The following NSUN6 variants were observed in gnomAD, a reference collection of about 807,000 sequenced individuals.
The protein encoded by NSUN6 is tRNA (cytosine(72)-C(5))-methyltransferase NSUN6.
In NSUN6, 64 loss-of-function variants were observed where a neutral mutation model predicts 58.0. The ratio of observed to expected loss-of-function variants is 1.10; its 90% confidence interval spans 0.90 to 1.36. The LOEUF (loss-of-function observed/expected upper bound fraction) is 1.36, where lower values mean the gene tolerates loss of function less well. Among genes scored for constraint, NSUN6 ranks in the 40% most tolerant of loss-of-function variants. The pLI is 0.00. For synonymous variants in NSUN6, 231 were observed against 193.9 expected (o/e 1.19, Z -1.59); for missense variants, 701 against 550.1 (o/e 1.27, Z -2.74).
At chr10:18,561,705 T>C (rs553057323) in intron 8 of NSUN6, among the ~76,000 whole-genome samples, 1 of 143,458 alleles carries the variant, frequency 7.0e-6, no homozygotes, top group East Asian at 2.1e-4. Context: ...GAATGGAGAA[T>C]GGAATAGAAT....
intron 8 of NSUN6, among the ~76,000 whole-genome samples, chr10:18,556,839 C>A (rs1424004486): frequency 7.7e-6 from 1 of 129,748 alleles, no homozygotes; most frequent in African/African-American, 3.0e-5. Flanking sequence ...ATGGAGAATG[C>A]AAGGGAATGG....
At chr10:18,603,468 C>CTTTTTTTTTT (rs1465029374) in intron 6 of NSUN6, among the ~76,000 whole-genome samples, 1 of 149,610 alleles carries the variant, frequency 6.7e-6, no homozygotes. Context: ...TTTTTCTTTT[C>CTTTTTTTTTT]TTTTCTTTTC....
intron 6 of NSUN6, among the ~76,000 whole-genome samples, chr10:18,606,896 G>A (rs1339660689): frequency 3.3e-5 from 5 of 152,106 alleles, no homozygotes; most frequent in Non-Finnish European, 7.3e-5. Context: ...GGGATAATGA[G>A]GCTCCCTGTG....
intron 5 of NSUN6, among the ~76,000 whole-genome samples, chr10:18,613,741 C>A (rs939202181): frequency 6.6e-6 from 1 of 152,164 alleles, no homozygotes; most frequent in Non-Finnish European, 1.5e-5. Flanking sequence ...ATTTCAATTA[C>A]AAACCCAAAC....
intron 3 of NSUN6, among the ~76,000 whole-genome samples, chr10:18,641,396 C>T (rs996525931): frequency 3.3e-5 from 5 of 151,070 alleles, no homozygotes; most frequent in African/African-American, 7.3e-5. Flanking sequence ...GACAAGGTCC[C>T]GCTCTGTCTC....
upstream of NSUN6, chr10:18,652,308 CTG>C (rs1296406763): frequency 1.2e-5 from 12 of 984,598 alleles, no homozygotes; most frequent in South Asian, 2.8e-4. Context: ...CATTTTATAA[CTG>C]TACAGGAAAG....
intron 9 of NSUN6, 27 bp downstream of exon 9, chr10:18,551,796 G>T: frequency 1.3e-6 from 2 of 1,597,270 alleles, no homozygotes; most frequent in Non-Finnish European, 1.7e-6. Context: ...AGTTAACTTT[G>T]TTTCACAAAA....
At chr10:18,600,927 CAAA>C (rs1242151513) in intron 6 of NSUN6, among the ~76,000 whole-genome samples, 57 of 43,720 alleles carry the variant, frequency 1.3e-3, no homozygotes, top group African/African-American at 4.6e-3. Flanking sequence ...GACTCCATCT[CAAA>C]AAAAAAAAAA....
intron 10 of NSUN6, among the ~76,000 whole-genome samples, chr10:18,546,569 G>T (rs938974597): frequency 6.6e-6 from 1 of 152,094 alleles, no homozygotes; most frequent in South Asian, 2.1e-4. Context: ...TCAGTAAATG[G>T]AACATTATTA....
intron 10 of NSUN6, among the ~76,000 whole-genome samples, chr10:18,546,613 C>T (rs2054278384): frequency 1.3e-5 from 2 of 152,192 alleles, no homozygotes; most frequent in South Asian, 4.1e-4. Flanking sequence ...CACAGTGGCT[C>T]ACACCTATAA....
chr10:18,560,416 A>G (rs140617133), intron 8 of NSUN6, among the ~76,000 whole-genome samples: 63 of 151,178 alleles, frequency 4.2e-4, no homozygotes, highest in Non-Finnish European at 7.4e-4. Flanking sequence ...GAAGTGGGCA[A>G]CGGAACAGAA....
At chr10:18,627,060 G>A (rs1434310325) in intron 3 of NSUN6, among the ~76,000 whole-genome samples, 1 of 152,086 alleles carries the variant, frequency 6.6e-6, no homozygotes, top group Non-Finnish European at 1.5e-5. Flanking sequence ...TGTTTTAAAG[G>A]CTCTTTTATC....
chr10:18,648,013 AC>A (rs1319399325), intron 2 of NSUN6, among the ~76,000 whole-genome samples: 1 of 152,184 alleles, frequency 6.6e-6, no homozygotes, highest in Non-Finnish European at 1.5e-5. Context: ...TGCTGCGATT[AC>A]AGGCATGAGC....
chr10:18,623,001 G>T (rs1226885272), intron 3 of NSUN6, among the ~76,000 whole-genome samples: 9 of 152,166 alleles, frequency 5.9e-5, no homozygotes, highest in African/African-American at 1.7e-4. Context: ...AAAGGCTCTT[G>T]TATCAAGACA....
Position 18,651,209 on chromosome 10 carries a change from C to T in NSUN6, c.-6G>A. On this transcript the variant is annotated 5_prime_UTR_variant, in exon 1 of 11. Coordinates refer to ENST00000377304, the MANE Select transcript of NSUN6 (RefSeq NM_182543.5). ...ATCTTAGGGAAAATAGACATTTTTCCTGTTGTTTAGTTCTCCACCAAGAGA... is the reference window on the plus strand; with the variant it reads ...ATCTTAGGGAAAATAGACATTTTTCTTGTTGTTTAGTTCTCCACCAAGAGA... 6.4e-7 allele frequency: 1 copy of T among 1,553,742 alleles called. No individual in the cohort carries two copies. The highest frequency in any genetic ancestry group is 8.6e-7 in the Non-Finnish European group (1 of 1,159,222).
At chr10:18,625,733 A>T (rs1202013633) in intron 3 of NSUN6, among the ~76,000 whole-genome samples, 1 of 149,020 alleles carries the variant, frequency 6.7e-6, no homozygotes. Flanking sequence ...AAAAAAAAAA[A>T]AAAAAAAAAA....
chr10:18,597,303 A>C (rs966904723), intron 6 of NSUN6, among the ~76,000 whole-genome samples: 4 of 152,218 alleles, frequency 2.6e-5, no homozygotes, highest in African/African-American at 4.8e-5. Flanking sequence ...CAAGAAAAAC[A>C]GAGTCTTATA....
chr10:18,652,848 C>G, upstream of NSUN6: 7 of 966,664 alleles, frequency 7.2e-6, no homozygotes, highest in Non-Finnish European at 8.6e-6. Flanking sequence ...CGTGAGCCAC[C>G]ACGCCCAGCC....
intron 8 of NSUN6, among the ~76,000 whole-genome samples, chr10:18,566,210 A>G (rs533377424): frequency 2.2e-4 from 29 of 131,492 alleles, no homozygotes; most frequent in African/African-American, 7.9e-4. Context: ...ATTCTATTCC[A>G]TTCTGTAATC....
Sources: allele counts gnomAD v4.1 joint callset (sites outside exome capture counted in the v4.1 genomes callset), GRCh38; gene constraint gnomAD v4.1.1; transcripts MANE v1.5; gene names NCBI Gene and HGNC (gene_info 2026-07-23, HGNC 2026-07-21).